Variants in SORBS2 observed in about 807,000 individuals in gnomAD.
SORBS2 encodes the protein sorbin and SH3 domain-containing protein 2.
In SORBS2, 46 loss-of-function variants were observed where a neutral mutation model predicts 97.7. The observed-to-expected ratio is 0.47, with a 90% CI of 0.37 to 0.60. SORBS2 has a LOEUF of 0.60. Among genes scored for constraint, SORBS2 ranks in the 20% least tolerant of loss-of-function variants. The pLI, the probability that SORBS2 is intolerant of heterozygous loss-of-function variation, is 0.00. For missense variants in SORBS2, 1,316 were observed against 1,282.3 expected (o/e 1.03, Z -0.40); for synonymous variants, 476 against 473.4 (o/e 1.01, Z -0.07).
chr4:185,879,957 G>A (rs2099236046), intron 1 of SORBS2, among the ~76,000 whole-genome samples: 1 of 152,336 alleles, frequency 6.6e-6, no homozygotes. Context: ...CCGGGACACG[G>A]CAGTTGTGAA....
Position 185,606,479 on chromosome 4 carries a change from A to T in SORBS2, c.2796+5301T>A. ...TATATAGTATTTGTGTTTTTTGTTT[A>T]AAAAAATCTGTTAGTCAAAATAGGT... is the stretch of plus-strand genomic sequence containing the variant. On this transcript the variant is annotated intron_variant, in intron 12 of 14. Coordinates refer to ENST00000418609, the Ensembl canonical transcript of SORBS2. The surrounding 1 kb of genome is among the most constrained non-coding windows in gnomAD (Gnocchi z 4.3). The T allele has an allele frequency of 1.0e-6, 1 of 981,934 alleles. No individual in the cohort carries two copies. The highest frequency in any genetic ancestry group is 1.2e-6 in the Non-Finnish European group (1 of 826,796). The allele number at this position is 981,934 out of a possible 1,614,324, so 60.8% of individuals were successfully genotyped here. A position where few individuals can be genotyped will look rare whatever the true frequency, so the allele number is the denominator to read the frequency against.
At chr4:185,837,625 A>T (rs1051382929) in intron 1 of SORBS2, among the ~76,000 whole-genome samples, 2 of 152,174 alleles carry the variant, frequency 1.3e-5, no homozygotes, top group Non-Finnish European at 2.9e-5. Context: ...TTAGAAACGG[A>T]ACCTCTAATA....
chr4:185,743,834 TTCC>T (rs764176303), intron 2 of SORBS2, among the ~76,000 whole-genome samples: 4 of 150,812 alleles, frequency 2.7e-5, no homozygotes, highest in Admixed American at 6.6e-5. Flanking sequence ...TCTATCTTCT[TTCC>T]TCCTCCTCCT....
intron 1 of SORBS2, among the ~76,000 whole-genome samples, chr4:185,888,751 G>A (rs9998012): frequency 0.029 from 4,340 of 152,238 alleles, 161 homozygotes; most frequent in African/African-American, 0.089. Flanking sequence ...AGCCTGCTGT[G>A]TCCACCCCAA....
At position 185,598,222 on chromosome 4, in the gene SORBS2, A is replaced by G. The variant is rs73876117; in HGVS notation, c.2797-4287T>C. 4.1e-3 allele frequency among the ~76,000 whole-genome samples: 616 copies of G among 149,384 alleles called. 4 individuals are homozygous for G. The highest frequency in any genetic ancestry group is 0.015 in the African/African-American group (582 of 39,422). On this transcript the variant is annotated intron_variant, in intron 12 of 14. Coordinates refer to ENST00000418609, the Ensembl canonical transcript of SORBS2. ...GCTTATATTTCCTTGATGAATCTTAAGAGTAGAACAAGAGAAAAATCCAGT... is the reference window on the plus strand; with the variant it reads ...GCTTATATTTCCTTGATGAATCTTAGGAGTAGAACAAGAGAAAAATCCAGT...
At chr4:185,693,366 G>T (rs2098126721) in intron 2 of SORBS2, among the ~76,000 whole-genome samples, 1 of 152,156 alleles carries the variant, frequency 6.6e-6, no homozygotes, top group African/African-American at 2.4e-5. Flanking sequence ...GAAGAGGGCA[G>T]CGGCCAGCAC....
At chr4:185,954,458 AT>A (rs1338554132) in intron 1 of SORBS2, among the ~76,000 whole-genome samples, 1 of 152,204 alleles carries the variant, frequency 6.6e-6, no homozygotes, top group African/African-American at 2.4e-5. Flanking sequence ...ACTTGCTTAT[AT>A]TTTATAAATA....
intron 1 of SORBS2, among the ~76,000 whole-genome samples, chr4:185,941,950 T>TAC (rs2099272206): frequency 6.6e-6 from 1 of 152,084 alleles, no homozygotes; most frequent in Non-Finnish European, 1.5e-5. Context: ...ACCCCATCTC[T>TAC]ACTAAAAATA....
At chr4:185,954,882 A>G (rs746809368) in intron 1 of SORBS2, among the ~76,000 whole-genome samples, 41 of 152,250 alleles carry the variant, frequency 2.7e-4, no homozygotes, top group Admixed American at 1.6e-3. Flanking sequence ...TGCTTGAACC[A>G]GATAAGTGGC....
intron 1 of SORBS2, among the ~76,000 whole-genome samples, chr4:185,950,377 G>A (rs1324627174): frequency 1.3e-5 from 2 of 152,176 alleles, no homozygotes; most frequent in African/African-American, 4.8e-5. Context: ...TGGAATTAGA[G>A]GCAGATGAAG....
At chr4:185,588,612 T>TCCTCCTCCTCCCTCCTCCTCCTC (rs1561252850) in intron 14 of SORBS2, among the ~76,000 whole-genome samples, 3 of 149,306 alleles carry the variant, frequency 2.0e-5, no homozygotes, top group African/African-American at 4.9e-5. Flanking sequence ...TCCTCCCTCC[T>TCCTCCTCCTCCCTCCTCCTCCTC]CCTCCTCCTC....
chr4:185,673,104 A>G (rs191153239), intron 4 of SORBS2, among the ~76,000 whole-genome samples: 2 of 152,316 alleles, frequency 1.3e-5, no homozygotes, highest in Admixed American at 6.5e-5. Context: ...TACCAAGTGA[A>G]GGCCTGTCTC....
At chr4:185,831,069 C>A (rs1323873412) in intron 1 of SORBS2, among the ~76,000 whole-genome samples, 1 of 151,316 alleles carries the variant, frequency 6.6e-6, no homozygotes, top group Non-Finnish European at 1.5e-5. Context: ...GAGAAAGTAG[C>A]CTTTTATCTT....
At position 185,806,457 on chromosome 4, in the gene SORBS2, T is replaced by G. The variant is rs1312371879; in HGVS notation, c.-337-31091A>C. 2.4e-3 allele frequency among the ~76,000 whole-genome samples: 238 copies of G among 98,894 alleles called. 11 individuals carry two copies. The highest frequency in any genetic ancestry group is 9.1e-3 in the African/African-American group (226 of 24,744). 64.9% of individuals were successfully genotyped at this position (98,894 alleles called of 152,430 possible). On this transcript the variant is annotated intron_variant, in intron 1 of 20. Coordinates refer to the SORBS2 transcript ENST00000284776. ...TCCTATTTTTTTTTTTTTTTTTTTT[T>G]TTTTTTTTTTTTTTTTTTGAGACGG...
chr4:185,873,296 C>T lies in SORBS2; in HGVS notation c.-338+82900G>A, dbSNP rs192723609. On this transcript the variant is annotated intron_variant, in intron 1 of 20. Coordinates refer to the SORBS2 transcript ENST00000284776. The stretch of plus-strand genomic sequence containing the variant: ...AGGTCTTTTACCTTATGTGGACTTA[C>T]GGAGATGGAGCAAGAGAAACCTGTT... Among the ~76,000 whole-genome samples, 76 of 152,238 alleles carry T rather than the reference C, an allele frequency of 5.0e-4. 1 individual carries two copies. Among genetic ancestry groups the T allele is most frequent in the Admixed American group, 1.6e-3 (24 of 15,292 alleles).
chr4:185,640,229 C>G (rs2097104196), intron 4 of SORBS2, among the ~76,000 whole-genome samples: 1 of 152,122 alleles, frequency 6.6e-6, no homozygotes, highest in Non-Finnish European at 1.5e-5. Flanking sequence ...CTGGGAAATG[C>G]TTACAATGAG....
At position 185,596,238 on chromosome 4, in the gene SORBS2, G is replaced by A. The variant is rs186023922; in HGVS notation, c.2797-2303C>T. Among the ~76,000 whole-genome samples, 940 of 152,196 alleles carry A rather than the reference G, an allele frequency of 6.2e-3. 9 individuals carry two copies. In the Middle Eastern group the frequency reaches 0.071, roughly 12 times the overall value. ...ATCCAATGCTTTGTAAAACTGGTTA[G>A]TTTCATTTCATTGCTCTTTTGTTAA... is the stretch of plus-strand genomic sequence containing the variant. On this transcript the variant is annotated intron_variant, in intron 12 of 14. Coordinates refer to ENST00000418609, the Ensembl canonical transcript of SORBS2.
intron 1 of SORBS2, among the ~76,000 whole-genome samples, chr4:185,798,508 G>A (rs1277563083): frequency 1.3e-5 from 2 of 152,086 alleles, no homozygotes; most frequent in African/African-American, 4.8e-5. Context: ...CGTGGAGGCA[G>A]TTTCAACATT....
chr4:185,656,711 C>T, exon 1 of SORBS2: 1 of 1,547,784 alleles, frequency 6.5e-7, no homozygotes, highest in Non-Finnish European at 8.7e-7. Flanking sequence ...CAGCTGCTGC[C>T]TGCCCAGGCT....
Sources: allele counts gnomAD v4.1 joint callset (sites outside exome capture counted in the v4.1 genomes callset), GRCh38; gene constraint gnomAD v4.1.1; non-coding constraint Gnocchi (gnomAD v3.1); transcripts MANE v1.5; gene names NCBI Gene and HGNC (gene_info 2026-07-23, HGNC 2026-07-21).